NAV3: variants seen among roughly 807,000 people sequenced by gnomAD.
NAV3 encodes the protein pore membrane and/or filament interacting like protein 1.
In NAV3, 87 loss-of-function variants were observed where a neutral mutation model predicts 244.7. The observed-to-expected ratio is 0.36, with a 90% CI of 0.30 to 0.42. The LOEUF (loss-of-function observed/expected upper bound fraction) is 0.42, where lower values mean the gene tolerates loss of function less well. NAV3 is among the 20% of genes least tolerant of loss of function. The pLI is 1.00. For synonymous variants in NAV3, 1,126 were observed against 1,042.2 expected, an observed-to-expected ratio of 1.08 and a Z score of -1.55; for missense variants, 2,663 against 2,893.3, an observed-to-expected ratio of 0.92 and a Z score of 1.83.
chr12:77,862,501 T>A (rs1879394101), intron 1 of NAV3, among the ~76,000 whole-genome samples: 1 of 151,734 alleles, frequency 6.6e-6, no homozygotes. Context: ...GCAGAATCAG[T>A]TGAATAATTT....
chr12:77,715,814 G>A (rs949380724), intron 2 of NAV3, among the ~76,000 whole-genome samples: 3 of 151,268 alleles, frequency 2.0e-5, no homozygotes, highest in Non-Finnish European at 4.4e-5. Context: ...TTTGCTGAGA[G>A]TAAAAAAAAG....
intron 2 of NAV3, among the ~76,000 whole-genome samples, chr12:77,703,310 A>G (rs964035283): frequency 2.0e-5 from 3 of 152,192 alleles, no homozygotes; most frequent in African/African-American, 4.8e-5. Context: ...CTCCTTTCAC[A>G]TAGCATAATA....
chr12:77,813,745 G>C (rs1051309688), intron 2 of NAV3, among the ~76,000 whole-genome samples: 1 of 152,140 alleles, frequency 6.6e-6, no homozygotes, highest in Non-Finnish European at 1.5e-5. Flanking sequence ...CACACAGTCG[G>C]CATTAGATTC....
chr12:77,686,946 T>A (rs1874780532), intron 2 of NAV3, among the ~76,000 whole-genome samples: 1 of 152,036 alleles, frequency 6.6e-6, no homozygotes, highest in African/African-American at 2.4e-5. Context: ...TGTGTGCATG[T>A]CCATGACTCA....
intron 5 of NAV3, among the ~76,000 whole-genome samples, chr12:77,992,029 A>G (rs543484653): frequency 2.0e-5 from 3 of 152,284 alleles, no homozygotes; most frequent in Admixed American, 2.0e-4. Flanking sequence ...CTCAAAAAAA[A>G]AAACGAATAT....
chr12:77,585,758 C>T (rs1343885103), intron 2 of NAV3, among the ~76,000 whole-genome samples: 1 of 152,196 alleles, frequency 6.6e-6, no homozygotes, highest in Non-Finnish European at 1.5e-5. Context: ...TCCTAACAGG[C>T]CACAAGCCAG....
In NAV3 at chr12:78,146,351, C is replaced by A; in HGVS notation, c.4684-18C>A. 1 of 1,054,252 alleles carries A rather than the reference C, an allele frequency of 9.5e-7. No individual in the cohort carries two copies. The highest frequency in any genetic ancestry group is 1.3e-6 in the Non-Finnish European group (1 of 754,372). 65.3% of individuals were successfully genotyped at this position (1,054,252 alleles called of 1,614,324 possible). A position where few individuals can be genotyped will look rare whatever the true frequency, so the allele number is the denominator to read the frequency against. On this transcript the variant is annotated intron_variant, in intron 20 of 39. Transcript: ENST00000397909. ...AATAGTTTTTATAGTTAAAGTCTTT[C>A]TTTTTATTGTTTTACAGGCTGAAGA...
chr12:77,695,769 G>T (rs770590473), intron 2 of NAV3, among the ~76,000 whole-genome samples: 8 of 151,960 alleles, frequency 5.3e-5, no homozygotes, highest in Admixed American at 6.6e-5. Context: ...CTTTCTCTCT[G>T]ACCAGAAATT....
In NAV3 at chr12:77,867,404, T is replaced by G. The variant is rs1880215417; in HGVS notation, c.243+35700T>G. 2.0e-5 allele frequency among the ~76,000 whole-genome samples: 3 copies of G among 151,710 alleles called. No individual in the cohort carries two copies. In the South Asian group the frequency reaches 6.3e-4, roughly 32 times the overall value. On this transcript the variant is annotated intron_variant, in intron 1 of 39. Coordinates refer to ENST00000397909, the MANE Select transcript of NAV3 (RefSeq NM_001024383.2). ...TAAATTACCCAGTCTCAGGTATGTT[T>G]TTGTTGTTGTTGTTGTTGTTGTTGT...
At chr12:78,148,791 T>C in intron 21 of NAV3, 51 bp from the exon 22 acceptor site, 1 of 1,529,050 alleles carries the variant, frequency 6.5e-7, no homozygotes, top group South Asian at 1.2e-5. Flanking sequence ...ATTCTGGGTT[T>C]TAAGTAAAAA....
chr12:78,127,353 C>T (rs373358218), intron 17 of NAV3, 145 bp downstream of exon 17: 38 of 763,958 alleles, frequency 5.0e-5, no homozygotes, highest in East Asian at 1.1e-4. Flanking sequence ...TTCTCTGGCC[C>T]GAACAGTTGG....
At chr12:78,155,235 C>T (rs1957256748) in intron 22 of NAV3, among the ~76,000 whole-genome samples, 1 of 152,080 alleles carries the variant, frequency 6.6e-6, no homozygotes, top group South Asian at 2.1e-4. Context: ...CACGTGTTCT[C>T]ATCGTTCTAC....
intron 1 of NAV3, among the ~76,000 whole-genome samples, chr12:77,836,689 C>A (rs958222207): frequency 6.6e-6 from 1 of 152,100 alleles, no homozygotes; most frequent in Non-Finnish European, 1.5e-5. Context: ...AATGATGTAA[C>A]AGCAATATTT....
chr12:77,696,188 C>A (rs1395684680), intron 2 of NAV3, among the ~76,000 whole-genome samples: 2 of 152,156 alleles, frequency 1.3e-5, no homozygotes, highest in Non-Finnish European at 2.9e-5. Context: ...ATGTAATCCC[C>A]TTTCCTTGAG....
intron 2 of NAV3, among the ~76,000 whole-genome samples, chr12:77,669,235 A>G (rs574059468): frequency 9.9e-5 from 15 of 152,276 alleles, no homozygotes; most frequent in Admixed American, 4.6e-4. Flanking sequence ...AAATACACCA[A>G]AATCGGACCT....
chr12:77,751,935 T>C (rs144940216), intron 2 of NAV3, among the ~76,000 whole-genome samples: 72 of 152,344 alleles, frequency 4.7e-4, no homozygotes, highest in African/African-American at 1.7e-3. Context: ...TTCAGGGAGA[T>C]ATTTTTTAAA....
intron 1 of NAV3, among the ~76,000 whole-genome samples, chr12:77,932,575 A>G (rs1888917895): frequency 6.6e-6 from 1 of 152,168 alleles, no homozygotes; most frequent in Non-Finnish European, 1.5e-5. Context: ...TAGTAAATAC[A>G]GGGCAGAAAA....
At chr12:78,044,520 G>T (rs1358907784) in intron 9 of NAV3, among the ~76,000 whole-genome samples, 2 of 152,090 alleles carry the variant, frequency 1.3e-5, no homozygotes, top group African/African-American at 4.8e-5. Flanking sequence ...ATTACTTTGG[G>T]CAGTATGACC....
At chr12:77,869,407 T>A (rs1300579016) in intron 1 of NAV3, among the ~76,000 whole-genome samples, 1 of 152,250 alleles carries the variant, frequency 6.6e-6, no homozygotes, top group Non-Finnish European at 1.5e-5. Context: ...AGGCATTCAA[T>A]GCAATCAATC....
Sources: gnomAD v4.1 joint callset for allele counts (sites outside exome capture counted in the v4.1 genomes callset) on GRCh38, gnomAD v4.1.1 for gene constraint, MANE v1.5 for transcripts, NCBI Gene and HGNC (gene_info 2026-07-23, HGNC 2026-07-21) for gene names.